The following PACS2 variants were observed in gnomAD, a reference collection of about 807,000 sequenced individuals.
PACS2 encodes PACS1-like protein.
In PACS2, 36 loss-of-function variants were observed where a neutral mutation model predicts 113.0. That is an observed-to-expected ratio of 0.32 (90% confidence interval 0.24 to 0.42). PACS2 has a LOEUF of 0.42. Among genes scored for constraint, PACS2 ranks in the 10% least tolerant of loss-of-function variants. The pLI, the probability that PACS2 is intolerant of heterozygous loss-of-function variation, is 1.00. For synonymous variants in PACS2, 589 were observed against 536.1 expected (o/e 1.10, Z -1.36); for missense variants, 1,015 against 1,239.5 (o/e 0.82, Z 2.72).
In PACS2 at chr14:105,325,025, C is replaced by T. The variant is rs2059044402; in HGVS notation, c.119+9988C>T. Among the ~76,000 whole-genome samples the T allele has an allele frequency of 2.0e-5, 3 of 152,178 alleles. No individual in the cohort carries two copies. The South Asian group carries it at 6.2e-4, about 31-fold the overall frequency. On this transcript the variant is annotated intron_variant, in intron 1 of 24. Coordinates refer to ENST00000447393, the MANE Select transcript of PACS2 (RefSeq NM_001100913.3). ...TGGCTGTTCCGCTCCACTGCCCCAACCAGCCTTTCCTCAGCACCCCCTGGC... is the reference window on the plus strand; with the variant it reads ...TGGCTGTTCCGCTCCACTGCCCCAATCAGCCTTTCCTCAGCACCCCCTGGC...
chr14:105,369,257 C>T (rs1244598255), intron 7 of PACS2, among the ~76,000 whole-genome samples: 2 of 152,258 alleles, frequency 1.3e-5, no homozygotes, highest in Non-Finnish European at 2.9e-5. Flanking sequence ...TGGAGAGCAG[C>T]CCCCGCTGTG....
chr14:105,380,530 C>T (rs1306482542), intron 11 of PACS2, among the ~76,000 whole-genome samples: 3 of 150,482 alleles, frequency 2.0e-5, no homozygotes, highest in Admixed American at 2.0e-4. Flanking sequence ...CCCCTGGACT[C>T]ACCCCACCCT....
At chr14:105,391,521 G>GCCCC in intron 21 of PACS2, 110 bp from the exon 22 acceptor site, 1 of 413,382 alleles carries the variant, frequency 2.4e-6, no homozygotes, top group Non-Finnish European at 4.5e-6. Context: ...CTCCCACCCT[G>GCCCC]CCCACCCCCA....
upstream of PACS2, among the ~76,000 whole-genome samples, chr14:105,311,823 T>A (rs1318536521): frequency 6.6e-6 from 1 of 152,166 alleles, no homozygotes; most frequent in African/African-American, 2.4e-5. Context: ...CTGCTGTACC[T>A]TTTTTGTGAC....
intron 8 of PACS2, among the ~76,000 whole-genome samples, chr14:105,375,859 C>G (rs587649765): frequency 6.6e-6 from 1 of 152,218 alleles, no homozygotes; most frequent in Admixed American, 6.5e-5. Flanking sequence ...TGCCCGTCAG[C>G]TGGTGATCTG....
At chr14:105,306,337 T>G (rs2140655474) in intron 1 of PACS2, among the ~76,000 whole-genome samples, 1 of 152,160 alleles carries the variant, frequency 6.6e-6, no homozygotes, top group African/African-American at 2.4e-5. Context: ...ACAGTCTTGC[T>G]CTGTCCCCCA....
chr14:105,364,502 G>A (rs1209156027), intron 4 of PACS2, among the ~76,000 whole-genome samples: 14 of 146,500 alleles, frequency 9.6e-5, no homozygotes, highest in Middle Eastern at 3.7e-3. Flanking sequence ...CCGGGTGCGC[G>A]GTGGGCGGTG....
At chr14:105,305,147 T>C (rs749490167) in intron 1 of PACS2, among the ~76,000 whole-genome samples, 1 of 152,172 alleles carries the variant, frequency 6.6e-6, no homozygotes, top group Non-Finnish European at 1.5e-5. Context: ...ACATCTGTGA[T>C]CTCAGCACTT....
intron 1 of PACS2, among the ~76,000 whole-genome samples, chr14:105,331,522 T>G (rs1470124369): frequency 6.6e-6 from 1 of 152,156 alleles, no homozygotes; most frequent in Non-Finnish European, 1.5e-5. Flanking sequence ...GCTCGAGTCA[T>G]CCTCCCATTT....
intron 10 of PACS2, 81 bp downstream of exon 10, chr14:105,379,910 C>A: frequency 6.9e-7 from 1 of 1,452,566 alleles, no homozygotes; most frequent in Non-Finnish European, 9.6e-7. Context: ...CCAGCATGTC[C>A]TGGGCCCAGG....
Position 105,355,274 on chromosome 14 carries a change from T to G in PACS2, c.423+97T>G. The G allele has an allele frequency of 7.3e-7, 1 of 1,377,908 alleles. No individual in the cohort carries two copies. The highest frequency in any genetic ancestry group is 1.4e-5 in the South Asian group (1 of 72,890). 85.4% of individuals were successfully genotyped at this position (1,377,908 alleles called of 1,614,324 possible). A position where few individuals can be genotyped will look rare whatever the true frequency, so the allele number is the denominator to read the frequency against. The stretch of plus-strand genomic sequence containing the variant: ...TGGAGATGTCTCTCCCGGGTCCAGA[T>G]GTCCAGGGATCAGGTGAAAATGATG... On this transcript the variant is annotated intron_variant, in intron 4 of 24. Coordinates refer to ENST00000447393, the MANE Select transcript of PACS2 (RefSeq NM_001100913.3). The surrounding 1 kb of genome is among the most constrained non-coding windows in gnomAD (Gnocchi z 4.1).
chr14:105,382,053 C>T lies in PACS2; in HGVS notation c.1408C>T (p.Leu470=). ...PDARSQLQVQ[L]QIPRKTVYDQ... is the part of the protein sequence containing the mutation. ...CGCCCGGAGCCAGCTACAGGTGCAGCTGCAGGTGGGGGTGGAGGGCGTGGC... is the reference window on the plus strand; with the variant it reads ...CGCCCGGAGCCAGCTACAGGTGCAGTTGCAGGTGGGGGTGGAGGGCGTGGC... Residue 470 remains leucine, a synonymous_variant, in exon 13 of 25, where the codon CTG becomes TTG. Transcript: ENST00000447393. 1 of 1,543,192 alleles carries T rather than the reference C, an allele frequency of 6.5e-7. No homozygotes were observed. Among genetic ancestry groups the T allele is most frequent in the Non-Finnish European group, 8.7e-7 (1 of 1,146,520 alleles).
chr14:105,332,414 G>A (rs2059336826), intron 1 of PACS2, among the ~76,000 whole-genome samples: 2 of 152,208 alleles, frequency 1.3e-5, no homozygotes, highest in Admixed American at 1.3e-4. Flanking sequence ...AGAGGAGCAG[G>A]TGGCCCCCTC....
chr14:105,394,633 C>T lies in PACS2; in HGVS notation c.2676C>T (p.Phe892=). ...AAQWSSHVKH[F]PICIFGHSKA... ...AGTGGTCCTCGCACGTGAAGCACTT[C>T]CCCATCTGCATCTTCGGACACTCCA... The change falls in exon 25 of 25, where the codon TTC becomes TTT. Residue 892 remains phenylalanine (F), a synonymous_variant. Transcript: ENST00000447393. The T allele has an allele frequency of 1.2e-6, 2 of 1,613,426 alleles. No homozygotes were observed. Among genetic ancestry groups the T allele is most frequent in the South Asian group, 1.1e-5 (1 of 91,088 alleles).
In PACS2 at chr14:105,356,228, C is replaced by G. The variant is rs1322590357; in HGVS notation, c.423+1051C>G. Among the ~76,000 whole-genome samples, 1 of 152,164 alleles carries G rather than the reference C, an allele frequency of 6.6e-6. No homozygotes were observed. The highest frequency in any genetic ancestry group is 1.5e-5 in the Non-Finnish European group (1 of 68,008). ...GGTCAAGCGCTAGGTCCCCCAGATCCTCACACACCCCCACTTACGCATCCA... is the reference window on the plus strand; with the variant it reads ...GGTCAAGCGCTAGGTCCCCCAGATCGTCACACACCCCCACTTACGCATCCA... On this transcript the variant is annotated intron_variant, in intron 4 of 24. Transcript: ENST00000447393. This position sits in a 1 kb window ranked among gnomAD's most constrained non-coding sequence, Gnocchi z 4.0.
At position 105,376,806 on chromosome 14, in the gene PACS2, C is replaced by A; in HGVS notation, c.840C>A (p.Pro280=). ...DSEQDPAEHI[P]EAEEDLDLLY... Reference sequence around the variant, plus strand: ...AGCAGGACCCTGCGGAGCACATCCCCGAGGCAGAGGAGGACCTGGACCTCC... The same window carrying A: ...AGCAGGACCCTGCGGAGCACATCCCAGAGGCAGAGGAGGACCTGGACCTCC... The change falls in exon 9 of 25, where the codon CCC becomes CCA. Residue 280 remains proline (P), a synonymous_variant. Coordinates refer to ENST00000447393, the MANE Select transcript of PACS2 (RefSeq NM_001100913.3). This position sits in a 1 kb window ranked among gnomAD's most constrained non-coding sequence, Gnocchi z 4.7. 1 of 1,613,182 alleles carries A rather than the reference C, an allele frequency of 6.2e-7. No homozygotes were observed. Among genetic ancestry groups the A allele is most frequent in the Non-Finnish European group, 8.5e-7 (1 of 1,179,872 alleles).
upstream of PACS2, among the ~76,000 whole-genome samples, chr14:105,311,253 CT>C (rs1713434710): frequency 6.6e-6 from 1 of 151,752 alleles, no homozygotes; most frequent in African/African-American, 2.4e-5. Context: ...TGTGCCCGGC[CT>C]TTTTATTTTT....
rs1345882359 is a variant in PACS2 at position 105,385,758 on chromosome 14, A to G, written c.2033+41A>G. 10 of 1,368,074 alleles carry G rather than the reference A, an allele frequency of 7.3e-6. No individual in the cohort carries two copies. The Admixed American group carries it at 1.7e-4, about 23-fold the overall frequency. The allele number at this position is 1,368,074 out of a possible 1,614,324, so 84.7% of individuals were successfully genotyped here. On this transcript the variant is annotated intron_variant, in intron 19 of 24. Transcript: ENST00000447393. Reference sequence around the variant, plus strand: ...TCTGCCTCCCACCCTGTCTGTCCCCAGGCTGGTCTTCAGGGCTTGTTTGGC... The same window carrying G: ...TCTGCCTCCCACCCTGTCTGTCCCCGGGCTGGTCTTCAGGGCTTGTTTGGC...
At chr14:105,308,779 C>T (rs2058265259) in intron 1 of PACS2, among the ~76,000 whole-genome samples, 2 of 151,982 alleles carry the variant, frequency 1.3e-5, no homozygotes, top group South Asian at 4.1e-4. Context: ...CTGTGCCCAG[C>T]CATGACTTTG....
Sources: allele counts gnomAD v4.1 joint callset (sites outside exome capture counted in the v4.1 genomes callset), GRCh38; gene constraint gnomAD v4.1.1; non-coding constraint Gnocchi (gnomAD v3.1); transcripts MANE v1.5; gene names NCBI Gene and HGNC (gene_info 2026-07-23, HGNC 2026-07-21).